Variants in NLGN1 observed in about 807,000 individuals in gnomAD.
NLGN1 encodes neuroligin 1, also known as neuroligin-1.
Under a neutral mutation model 65.5 loss-of-function variants are expected in NLGN1, and 12 were observed. The observed-to-expected ratio is 0.18, with a 90% CI of 0.12 to 0.30. The LOEUF (loss-of-function observed/expected upper bound fraction) is 0.30, where lower values mean the gene tolerates loss of function less well. NLGN1 is among the 10% of genes least tolerant of loss of function. The probability of loss-of-function intolerance (pLI) is 1.00; values close to 1 mark genes in which losing one functional copy is unlikely to be tolerated. For synonymous variants in NLGN1, 350 were observed against 359.5 expected, an observed-to-expected ratio of 0.97 and a Z score of 0.30; for missense variants, 750 against 1,007.1, an observed-to-expected ratio of 0.74 and a Z score of 3.46.
chr3:174,248,593 C>T (rs1744216305), intron 4 of NLGN1, among the ~76,000 whole-genome samples: 1 of 152,072 alleles, frequency 6.6e-6, no homozygotes, highest in South Asian at 2.1e-4. Flanking sequence ...AACCCCATCT[C>T]TACTAAAAAT....
intron 4 of NLGN1, among the ~76,000 whole-genome samples, chr3:174,158,532 T>G (rs1725889872): frequency 6.6e-6 from 1 of 151,692 alleles, no homozygotes; most frequent in Non-Finnish European, 1.5e-5. Flanking sequence ...TGTCTATGGA[T>G]CAGAAGCCCC....
intron 2 of NLGN1, among the ~76,000 whole-genome samples, chr3:173,522,937 G>A (rs1735009027): frequency 6.6e-6 from 1 of 151,818 alleles, no homozygotes; most frequent in East Asian, 1.9e-4. Context: ...CATCTTTGTT[G>A]TTTTTTGACT....
intron 1 of NLGN1, among the ~76,000 whole-genome samples, chr3:173,399,217 T>G (rs2148594637): frequency 6.6e-6 from 1 of 152,350 alleles, no homozygotes; most frequent in Middle Eastern, 3.4e-3. Context: ...GATTACATGG[T>G]TTGATTAAAA....
chr3:173,513,506 G>T (rs557104105), intron 2 of NLGN1, among the ~76,000 whole-genome samples: 1 of 152,218 alleles, frequency 6.6e-6, no homozygotes, highest in South Asian at 2.1e-4. Flanking sequence ...TGAAGCAGTG[G>T]TTTGCCCTGT....
intron 4 of NLGN1, among the ~76,000 whole-genome samples, chr3:173,844,740 A>G (rs750252589): frequency 5.9e-5 from 9 of 152,250 alleles, no homozygotes; most frequent in African/African-American, 1.9e-4. Flanking sequence ...CGAAGTAAGC[A>G]TAGTTCTAGA....
At chr3:173,457,532 G>A (rs574042352) in intron 2 of NLGN1, among the ~76,000 whole-genome samples, 1 of 152,206 alleles carries the variant, frequency 6.6e-6, no homozygotes, top group East Asian at 1.9e-4. Flanking sequence ...TATTTTACAT[G>A]TAACAGGAAG....
chr3:173,789,135 G>C (rs1432702873), intron 3 of NLGN1, among the ~76,000 whole-genome samples: 1 of 151,780 alleles, frequency 6.6e-6, no homozygotes, highest in Non-Finnish European at 1.5e-5. Context: ...GGAAGCAGAG[G>C]TTGCAGTGAG....
chr3:174,090,520 T>C (rs778703277), intron 4 of NLGN1, among the ~76,000 whole-genome samples: 2 of 151,828 alleles, frequency 1.3e-5, no homozygotes, highest in Non-Finnish European at 2.9e-5. Flanking sequence ...TGTTTATTGC[T>C]CCAGAAAGTC....
intron 3 of NLGN1, among the ~76,000 whole-genome samples, chr3:173,782,077 T>C (rs894287635): frequency 2.6e-4 from 38 of 143,558 alleles, no homozygotes; most frequent in African/African-American, 9.4e-4. Context: ...AATCCTACTG[T>C]TGGAAGAGCT....
chr3:173,410,629 T>C (rs1179535012), intron 1 of NLGN1, among the ~76,000 whole-genome samples: 1 of 152,242 alleles, frequency 6.6e-6, no homozygotes, highest in Non-Finnish European at 1.5e-5. Context: ...CATTAGAATG[T>C]GAAAACATTT....
At chr3:173,800,321 T>C in intron 3 of NLGN1, 7 of 1,219,684 alleles carry the variant, frequency 5.7e-6, no homozygotes, top group Non-Finnish European at 7.4e-6. Context: ...AGACAGATGA[T>C]TTAGGTGATA....
chr3:173,575,806 C>G (rs1379625785), intron 2 of NLGN1, among the ~76,000 whole-genome samples: 1 of 152,060 alleles, frequency 6.6e-6, no homozygotes, highest in African/African-American at 2.4e-5. Flanking sequence ...ATATAATTCT[C>G]AAATACAAAG....
At chr3:173,444,317 G>C (rs1230614162) in intron 2 of NLGN1, among the ~76,000 whole-genome samples, 1 of 152,144 alleles carries the variant, frequency 6.6e-6, no homozygotes, top group Non-Finnish European at 1.5e-5. Context: ...AGGACAGCAG[G>C]TAATGCTGCT....
chr3:173,831,027 T>C (rs1400434404), intron 4 of NLGN1, among the ~76,000 whole-genome samples: 1 of 152,242 alleles, frequency 6.6e-6, no homozygotes, highest in Non-Finnish European at 1.5e-5. Context: ...TAGCTCTCAA[T>C]TTGGTCAACC....
intron 4 of NLGN1, among the ~76,000 whole-genome samples, chr3:173,982,040 T>A (rs934978671): frequency 6.6e-6 from 1 of 152,098 alleles, no homozygotes; most frequent in Non-Finnish European, 1.5e-5. Flanking sequence ...ATTTGAGGAA[T>A]AGAAAACATA....
intron 3 of NLGN1, among the ~76,000 whole-genome samples, chr3:173,734,381 ATTTTTTTTT>A (rs71162356): frequency 2.5e-5 from 1 of 40,082 alleles, no homozygotes; most frequent in South Asian, 2.2e-3. Flanking sequence ...GGATAATTCT[ATTTTTTTTT>A]TTTTTTTTTT....
At chr3:174,056,467 G>A (rs1430316616) in intron 4 of NLGN1, among the ~76,000 whole-genome samples, 1 of 151,618 alleles carries the variant, frequency 6.6e-6, no homozygotes, top group Non-Finnish European at 1.5e-5. Flanking sequence ...AGACCTATTT[G>A]TTACTTTTTT....
At chr3:173,411,336 C>T (rs1712504401) in intron 1 of NLGN1, among the ~76,000 whole-genome samples, 1 of 152,176 alleles carries the variant, frequency 6.6e-6, no homozygotes, top group Non-Finnish European at 1.5e-5. Context: ...GAACTATGGA[C>T]CACAGCCACA....
At position 174,011,620 on chromosome 3, in the gene NLGN1, C is replaced by A. The variant is rs961492765; in HGVS notation, c.646+203788C>A. On this transcript the variant is annotated intron_variant, in intron 4 of 6. Transcript: ENST00000457714. The stretch of plus-strand genomic sequence containing the variant: ...GAAGAAACCTGGGTTCAAGTGTAAA[C>A]TCTGCTTCTCTCTCTCTCTCTGAAA... 3.3e-5 allele frequency among the ~76,000 whole-genome samples: 5 copies of A among 152,020 alleles called. No homozygotes were observed. The South Asian group carries it at 8.3e-4, about 25-fold the overall frequency.
Sources: allele counts gnomAD v4.1 joint callset (sites outside exome capture counted in the v4.1 genomes callset), GRCh38; gene constraint gnomAD v4.1.1; transcripts MANE v1.5; gene names NCBI Gene and HGNC (gene_info 2026-07-23, HGNC 2026-07-21).